PLCH1: variants seen among roughly 807,000 people sequenced by gnomAD.
PLCH1 encodes the protein phospholipase C eta 1.
A neutral mutation model predicts 126.7 loss-of-function variants in PLCH1; 60 were observed. The observed-to-expected ratio is 0.47, with a 90% CI of 0.38 to 0.59. The LOEUF is 0.59. Among genes scored for constraint, PLCH1 ranks in the 20% least tolerant of loss-of-function variants. The pLI, the probability that PLCH1 is intolerant of heterozygous loss-of-function variation, is 0.00. For missense variants in PLCH1, 1,723 were observed against 2,040.0 expected (o/e 0.84, Z 2.99); for synonymous variants, 719 against 734.9 (o/e 0.98, Z 0.35).
At chr3:155,473,715 T>C (rs1170674785) in intron 21 of PLCH1, among the ~76,000 whole-genome samples, 1 of 151,824 alleles carries the variant, frequency 6.6e-6, no homozygotes, top group African/African-American at 2.4e-5. Context: ...ATGGTACTGG[T>C]ACCAAAACAG....
intron 10 of PLCH1, among the ~76,000 whole-genome samples, chr3:155,544,113 C>T (rs1427425904): frequency 2.0e-4 from 30 of 151,844 alleles, no homozygotes; most frequent in Admixed American, 2.0e-3. Context: ...ACAGTCAAGA[C>T]CCATCAGTGT....
At chr3:155,503,302 A>G (rs983928102) in intron 13 of PLCH1, among the ~76,000 whole-genome samples, 1 of 152,132 alleles carries the variant, frequency 6.6e-6, no homozygotes, top group Non-Finnish European at 1.5e-5. Flanking sequence ...TTTTGAATTT[A>G]ATATTGATGG....
chr3:155,479,289 A>G (rs1713686863), downstream of PLCH1, among the ~76,000 whole-genome samples: 1 of 152,158 alleles, frequency 6.6e-6, no homozygotes, highest in Non-Finnish European at 1.5e-5. Context: ...CAGAACTCCC[A>G]AGAAAACAAA....
intron 21 of PLCH1, among the ~76,000 whole-genome samples, chr3:155,454,756 G>A (rs1712397881): frequency 6.6e-6 from 1 of 152,178 alleles, no homozygotes; most frequent in African/African-American, 2.4e-5. Flanking sequence ...GATGTTGTTA[G>A]AAGTCAAAGC....
chr3:155,584,889 C>T lies in PLCH1; in HGVS notation c.600+1176G>A, dbSNP rs543800262. On this transcript the variant is annotated intron_variant, in intron 5 of 22. Coordinates refer to ENST00000460012, the MANE Select transcript of PLCH1 (RefSeq NM_014996.4). ...CCTCTTACATTGAATCAGCAGCTAC[C>T]TCTTCAATGCTGTGATCAGCTCCTG... Among the ~76,000 whole-genome samples the T allele has an allele frequency of 7.2e-5, 11 of 152,228 alleles. No individual in the cohort carries two copies. The East Asian group carries it at 2.1e-3, about 29-fold the overall frequency.
chr3:155,591,818 C>T (rs904920725), intron 4 of PLCH1, among the ~76,000 whole-genome samples: 7 of 152,132 alleles, frequency 4.6e-5, no homozygotes, highest in African/African-American at 1.4e-4. Flanking sequence ...AATCTTCCCA[C>T]CTCAGCCACC....
rs532163084 is a variant in PLCH1, at chr3:155,735,180, G to C, written c.-41+9660C>G. Among the ~76,000 whole-genome samples the C allele has an allele frequency of 3.3e-5, 5 of 152,292 alleles. No homozygotes were observed. In the East Asian group the frequency reaches 9.7e-4, roughly 29 times the overall value. ...AAAGTTGAACTCATAGAAGGAAAGA[G>C]TAGAATGGTAGTTACCAGGGACTGC... On this transcript the variant is annotated intron_variant, in intron 1 of 22. Coordinates refer to ENST00000460012, the MANE Select transcript of PLCH1 (RefSeq NM_014996.4).
At chr3:155,483,254 G>T (rs563313014) in intron 22 of PLCH1, 3 of 954,922 alleles carry the variant, frequency 3.1e-6, no homozygotes, top group Non-Finnish European at 4.7e-6. Flanking sequence ...TTTCACTGGA[G>T]CTTCCCTTTG....
At chr3:155,589,320 T>C (rs1459506152) in intron 4 of PLCH1, among the ~76,000 whole-genome samples, 1 of 152,150 alleles carries the variant, frequency 6.6e-6, no homozygotes, top group African/African-American at 2.4e-5. Flanking sequence ...ATGAACACGG[T>C]TGTGTTCCAA....
intron 2 of PLCH1, among the ~76,000 whole-genome samples, chr3:155,635,648 G>C (rs1738629821): frequency 6.6e-6 from 1 of 152,216 alleles, no homozygotes; most frequent in African/African-American, 2.4e-5. Flanking sequence ...ACAGAGATCA[G>C]TTCATTCCTT....
intron 2 of PLCH1, among the ~76,000 whole-genome samples, chr3:155,702,925 G>A (rs934302377): frequency 1.3e-5 from 2 of 152,164 alleles, no homozygotes; most frequent in Non-Finnish European, 2.9e-5. Flanking sequence ...GGGTCAAGTC[G>A]CCATTCCCAC....
intron 22 of PLCH1, chr3:155,483,492 C>CA (rs1057324900): frequency 1.2e-5 from 6 of 511,066 alleles, no homozygotes; most frequent in South Asian, 5.8e-5. Flanking sequence ...TTAGTTAAAA[C>CA]AAAAAAAGAA....
intron 10 of PLCH1, among the ~76,000 whole-genome samples, chr3:155,546,489 A>G (rs1725302168): frequency 6.6e-6 from 1 of 152,284 alleles, no homozygotes; most frequent in East Asian, 1.9e-4. Flanking sequence ...ATTCAATGCC[A>G]TCCCCATCAA....
At chr3:155,711,667 G>A (rs1202909369) in intron 1 of PLCH1, among the ~76,000 whole-genome samples, 1 of 152,130 alleles carries the variant, frequency 6.6e-6, no homozygotes, top group Non-Finnish European at 1.5e-5. Context: ...AAAAGATTCA[G>A]GTGCTGTCAG....
downstream of PLCH1, among the ~76,000 whole-genome samples, chr3:155,478,460 T>C (rs60548823): frequency 0.012 from 1,816 of 152,286 alleles, 36 homozygotes; most frequent in African/African-American, 0.042. Context: ...GGATACTCCA[T>C]TCTCCATGAT....
intron 18 of PLCH1, among the ~76,000 whole-genome samples, chr3:155,492,342 C>T (rs577141784): frequency 7.2e-5 from 11 of 152,244 alleles, no homozygotes; most frequent in African/African-American, 2.6e-4. Context: ...GAGCAGGTGG[C>T]TGATGTGCAG....
chr3:155,469,280 G>C (rs2107980480), intron 21 of PLCH1, among the ~76,000 whole-genome samples: 1 of 152,326 alleles, frequency 6.6e-6, no homozygotes, highest in East Asian at 1.9e-4. Context: ...CAAGGGGTCA[G>C]GGAGTGCCCT....
At chr3:155,543,318 C>T (rs999257638) in intron 10 of PLCH1, among the ~76,000 whole-genome samples, 12 of 151,838 alleles carry the variant, frequency 7.9e-5, no homozygotes, top group Non-Finnish European at 1.3e-4. Flanking sequence ...TGAAATGAAG[C>T]GAGAAGGGAA....
At chr3:155,699,144 C>G (rs112806583) in intron 2 of PLCH1, among the ~76,000 whole-genome samples, 2 of 151,328 alleles carry the variant, frequency 1.3e-5, no homozygotes, top group African/African-American at 4.9e-5. Flanking sequence ...GGCGCCATCT[C>G]GGCTCACTGC....
Sources: allele counts gnomAD v4.1 joint callset (sites outside exome capture counted in the v4.1 genomes callset), GRCh38; gene constraint gnomAD v4.1.1; transcripts MANE v1.5; gene names NCBI Gene and HGNC (gene_info 2026-07-23, HGNC 2026-07-21).